CAND1: variants seen among roughly 807,000 people sequenced by gnomAD.
CAND1 encodes cullin-associated NEDD8-dissociated protein 1.
CAND1 carries 7 observed loss-of-function variants against 108.5 expected under a neutral mutation model. The observed-to-expected ratio is 0.06, with a 90% confidence interval of 0.04 to 0.12. The LOEUF is 0.12. Ranked by LOEUF, CAND1 falls within the 10% of genes least tolerant of loss-of-function variation. The pLI, the probability that CAND1 is intolerant of heterozygous loss-of-function variation, is 1.00. For missense variants in CAND1, 941 were observed against 1,448.7 expected, an observed-to-expected ratio of 0.65 and a Z score of 5.69; for synonymous variants, 534 against 512.0, an observed-to-expected ratio of 1.04 and a Z score of -0.58.
At chr12:67,283,302 G>T (rs1342982023) in intron 2 of CAND1, among the ~76,000 whole-genome samples, 1 of 152,160 alleles carries the variant, frequency 6.6e-6, no homozygotes, top group Non-Finnish European at 1.5e-5. Flanking sequence ...AAATGGTGTT[G>T]TATGGGAGTG....
intron 1 of CAND1, among the ~76,000 whole-genome samples, chr12:67,278,345 C>T (rs1169624618): frequency 3.9e-5 from 6 of 151,930 alleles, no homozygotes; most frequent in South Asian, 2.1e-4. Context: ...TTGGTAGAGA[C>T]GGGGTTTCAC....
rs770378377 is a variant in CAND1 at position 67,313,929 on chromosome 12, G to A, written c.*1099G>A. ...GGTTTTTCCCCATCTCCTGTAGAGC[G>A]AATTTACATATTGTATTGGGTAAGT... On this transcript the variant is annotated 3_prime_UTR_variant, in exon 15 of 15. Coordinates refer to ENST00000545606, the MANE Select transcript of CAND1 (RefSeq NM_018448.5). 17 of 152,560 alleles carry A rather than the reference G, an allele frequency of 1.1e-4. No individual in the cohort carries two copies. Among genetic ancestry groups the A allele is most frequent in the Non-Finnish European group, 2.2e-4 (15 of 68,008 alleles). 9.5% of individuals were successfully genotyped at this position (152,560 alleles called of 1,614,324 possible).
At chr12:67,284,297 A>G (rs1308831970) in intron 2 of CAND1, among the ~76,000 whole-genome samples, 1 of 152,048 alleles carries the variant, frequency 6.6e-6, no homozygotes, top group Non-Finnish European at 1.5e-5. Context: ...AAGAAAGAAA[A>G]CTATAGATTA....
At position 67,269,567 on chromosome 12, in the gene CAND1, G is replaced by A; in HGVS notation, c.-151G>A. The A allele has an allele frequency of 4.8e-6, 3 of 619,272 alleles. No individual in the cohort carries two copies. Among genetic ancestry groups the A allele is most frequent in the Non-Finnish European group, 5.5e-6 (2 of 366,466 alleles). The allele number at this position is 619,272 out of a possible 1,614,324, so 38.4% of individuals were successfully genotyped here. On this transcript the variant is annotated 5_prime_UTR_variant, in exon 1 of 15. Coordinates refer to ENST00000545606, the MANE Select transcript of CAND1 (RefSeq NM_018448.5). Reference sequence around the variant, plus strand: ...CAGGGAGGGGGCAGCCCGTCGAGGCGCCTCCCTAGTCAGCGTCGGCGTCGC... The same window carrying A: ...CAGGGAGGGGGCAGCCCGTCGAGGCACCTCCCTAGTCAGCGTCGGCGTCGC...
intron 2 of CAND1, among the ~76,000 whole-genome samples, chr12:67,289,623 C>T (rs373967498): frequency 6.6e-6 from 1 of 152,180 alleles, no homozygotes. Context: ...GGAGCCCACT[C>T]GCCTCAGTCT....
intron 10 of CAND1, among the ~76,000 whole-genome samples, 184 bp downstream of exon 10, chr12:67,306,781 G>A (rs1209170254): frequency 1.3e-5 from 2 of 152,100 alleles, no homozygotes. Flanking sequence ...TTGTTTTAAA[G>A]GATAGTGTGG....
At chr12:67,279,878 G>A (rs1434704377) in intron 1 of CAND1, among the ~76,000 whole-genome samples, 1 of 152,158 alleles carries the variant, frequency 6.6e-6, no homozygotes, top group African/African-American at 2.4e-5. Context: ...GCAGGTAACT[G>A]GCACTGCAGT....
intron 6 of CAND1, 143 bp from the exon 7 acceptor site, chr12:67,298,807 A>G (rs1439835611): frequency 1.7e-6 from 1 of 592,086 alleles, no homozygotes; most frequent in Admixed American, 3.3e-5. Flanking sequence ...AGTCCATGGG[A>G]GAGAAAGAGC....
chr12:67,312,870 A>G lies in CAND1; in HGVS notation c.*40A>G. On this transcript the variant is annotated 3_prime_UTR_variant, in exon 15 of 15. Coordinates refer to ENST00000545606, the MANE Select transcript of CAND1 (RefSeq NM_018448.5). ...TGGGGACCATTACATATGACCATAC[A>G]ATGCACTGAATTGACAGGTTAATCA... 1 of 1,216,070 alleles carries G rather than the reference A, an allele frequency of 8.2e-7. No homozygotes were observed. Among genetic ancestry groups the G allele is most frequent in the Middle Eastern group, 2.1e-4 (1 of 4,700 alleles). 75.3% of individuals were successfully genotyped at this position (1,216,070 alleles called of 1,614,324 possible).
At chr12:67,272,737 G>A (rs1428994463) in intron 1 of CAND1, among the ~76,000 whole-genome samples, 5 of 151,748 alleles carry the variant, frequency 3.3e-5, no homozygotes, top group African/African-American at 7.3e-5. Context: ...CTTTTCTGTC[G>A]CCAGGCTGTA....
intron 2 of CAND1, among the ~76,000 whole-genome samples, chr12:67,283,498 G>A (rs897869471): frequency 1.3e-5 from 2 of 151,280 alleles, no homozygotes; most frequent in Non-Finnish European, 2.9e-5. Context: ...CAGCAGAATC[G>A]CTTGAACCTG....
intron 2 of CAND1, among the ~76,000 whole-genome samples, chr12:67,283,304 A>G (rs962004234): frequency 6.6e-6 from 1 of 152,214 alleles, no homozygotes; most frequent in East Asian, 1.9e-4. Context: ...ATGGTGTTGT[A>G]TGGGAGTGGT....
chr12:67,295,862 C>T (rs573268081), intron 4 of CAND1, among the ~76,000 whole-genome samples: 22 of 152,164 alleles, frequency 1.4e-4, no homozygotes, highest in Middle Eastern at 3.4e-3. Flanking sequence ...ATAAGAACAC[C>T]GATGGCTACA....
intron 1 of CAND1, 66 bp downstream of exon 1, chr12:67,269,851 C>A: frequency 7.2e-7 from 1 of 1,387,686 alleles, no homozygotes; most frequent in Non-Finnish European, 1.0e-6. Context: ...GGCCGTCACG[C>A]AGGCCTTGCC....
intron 3 of CAND1, among the ~76,000 whole-genome samples, chr12:67,293,860 T>TACGTAAACATAG (rs2044744172): frequency 6.6e-6 from 1 of 152,248 alleles, no homozygotes; most frequent in Non-Finnish European, 1.5e-5. Context: ...AAAGGCTGCA[T>TACGTAAACATAG]ACGTAAACTA....
At chr12:67,273,584 G>T (rs2044542908) in intron 1 of CAND1, among the ~76,000 whole-genome samples, 1 of 150,752 alleles carries the variant, frequency 6.6e-6, no homozygotes, top group Non-Finnish European at 1.5e-5. Context: ...GGGCTCAAGC[G>T]ATTTTCTTCC....
At chr12:67,273,295 T>C (rs1222015091) in intron 1 of CAND1, among the ~76,000 whole-genome samples, 1 of 152,126 alleles carries the variant, frequency 6.6e-6, no homozygotes, top group African/African-American at 2.4e-5. Context: ...TATATAGTTA[T>C]TTTAAGGACC....
intron 4 of CAND1, among the ~76,000 whole-genome samples, chr12:67,295,789 T>C (rs1253596147): frequency 6.6e-6 from 1 of 152,160 alleles, no homozygotes; most frequent in African/African-American, 2.4e-5. Flanking sequence ...TGTGTGGGTG[T>C]GTGTGTATAA....
chr12:67,273,498 A>G (rs1323230599), intron 1 of CAND1, among the ~76,000 whole-genome samples: 2 of 64,238 alleles, frequency 3.1e-5, no homozygotes, highest in Admixed American at 1.6e-4. Context: ...TTTTTTTTTT[A>G]GAGATAGGGT....
Sources: gnomAD v4.1 joint callset for allele counts (sites outside exome capture counted in the v4.1 genomes callset) on GRCh38, gnomAD v4.1.1 for gene constraint, MANE v1.5 for transcripts, NCBI Gene and HGNC (gene_info 2026-07-23, HGNC 2026-07-21) for gene names.